EPHA5: variants seen among roughly 807,000 people sequenced by gnomAD.
EPHA5 encodes ephrin type-A receptor 5.
EPHA5 carries 60 observed loss-of-function variants against 105.0 expected under a neutral mutation model. The observed-to-expected ratio is 0.57, with a 90% CI of 0.46 to 0.71. EPHA5 has a LOEUF of 0.71. Among genes scored for constraint, EPHA5 ranks in the 30% least tolerant of loss-of-function variants. The probability of loss-of-function intolerance (pLI) is 0.00; values close to 1 mark genes in which losing one functional copy is unlikely to be tolerated. For synonymous variants in EPHA5, 513 were observed against 449.1 expected, an observed-to-expected ratio of 1.14 and a Z score of -1.80; for missense variants, 1,218 against 1,274.7, an observed-to-expected ratio of 0.96 and a Z score of 0.68.
At chr4:65,415,637 T>C (rs1181134969) in intron 6 of EPHA5, among the ~76,000 whole-genome samples, 6 of 152,014 alleles carry the variant, frequency 3.9e-5, no homozygotes, top group African/African-American at 1.2e-4. Context: ...AAATGATTGA[T>C]CTTTAATTTT....
Position 65,670,088 on chromosome 4 carries a change from AG to A in EPHA5, c.-347del, listed in dbSNP as rs1483193452. 2.3e-5 allele frequency: 7 copies of A among 303,002 alleles called. No individual in the cohort carries two copies. The highest frequency in any genetic ancestry group is 1.5e-4 in the African/African-American group (7 of 47,358). 18.8% of individuals were successfully genotyped at this position (303,002 alleles called of 1,614,324 possible). Reference sequence around the variant, plus strand: ...GGATTGAGAATTTTTAAATACCACTAGGGGAAAGGTGAAGGTTCTTTGCAGC... The same window carrying A: ...GGATTGAGAATTTTTAAATACCACTAGGGAAAGGTGAAGGTTCTTTGCAGC... On this transcript the variant is annotated 5_prime_UTR_variant, in exon 1 of 17. Coordinates refer to ENST00000613740, the MANE Select transcript of EPHA5 (RefSeq NM_001281766.3).
At chr4:65,631,771 C>G (rs114005084) in intron 2 of EPHA5, among the ~76,000 whole-genome samples, 2 of 151,370 alleles carry the variant, frequency 1.3e-5, no homozygotes, top group African/African-American at 4.8e-5. Context: ...ATTAATAAGA[C>G]TATATTATGG....
chr4:65,543,671 C>T (rs1578384599), intron 3 of EPHA5, among the ~76,000 whole-genome samples: 1 of 151,800 alleles, frequency 6.6e-6, no homozygotes, highest in South Asian at 2.1e-4. Flanking sequence ...AGATTCAATG[C>T]TATTCTCATT....
At chr4:65,424,118 T>C (rs140480690) in intron 5 of EPHA5, among the ~76,000 whole-genome samples, 150 of 152,100 alleles carry the variant, frequency 9.9e-4, no homozygotes, top group African/African-American at 3.4e-3. Context: ...CCAGTACATA[T>C]GTCTAGTATG....
chr4:65,465,122 T>A (rs1337172672), intron 5 of EPHA5, among the ~76,000 whole-genome samples: 1 of 151,730 alleles, frequency 6.6e-6, no homozygotes, highest in Non-Finnish European at 1.5e-5. Context: ...CCGAAAGGAG[T>A]CATATTAGCT....
chr4:65,656,589 A>G (rs1165031735), intron 1 of EPHA5, among the ~76,000 whole-genome samples: 3 of 146,906 alleles, frequency 2.0e-5, no homozygotes, highest in Admixed American at 6.8e-5. Context: ...TATATATATT[A>G]TATATATATA....
chr4:65,458,635 T>C (rs1157917430), intron 5 of EPHA5, among the ~76,000 whole-genome samples: 1 of 152,166 alleles, frequency 6.6e-6, no homozygotes. Flanking sequence ...TGTATCCATA[T>C]GTAATTCCCA....
intron 9 of EPHA5, among the ~76,000 whole-genome samples, chr4:65,366,923 C>T (rs796539174): frequency 2.6e-5 from 4 of 151,526 alleles, no homozygotes; most frequent in Admixed American, 6.6e-5. Flanking sequence ...ACCAAGATTG[C>T]TGCCACAGGA....
chr4:65,414,229 T>C (rs2149017986), intron 7 of EPHA5, 55 bp downstream of exon 7: 1 of 1,540,724 alleles, frequency 6.5e-7, no homozygotes. Context: ...ATCCACTGAC[T>C]CTTTTCTGGT....
At position 65,474,967 on chromosome 4, in the gene EPHA5, T is replaced by C. The variant is rs911506825; in HGVS notation, c.1402+15410A>G. 6.6e-5 allele frequency among the ~76,000 whole-genome samples: 10 copies of C among 152,196 alleles called. 1 individual carries two copies. The highest frequency in any genetic ancestry group is 2.4e-4 in the African/African-American group (10 of 41,444). ...ATGGTTTGTCATCTATTTTTAATAA[T>C]TGCATTTCCATACCATGACTAAGTG... On this transcript the variant is annotated intron_variant, in intron 5 of 16. Coordinates refer to ENST00000613740, the MANE Select transcript of EPHA5 (RefSeq NM_001281766.3).
chr4:65,348,502 C>CA (rs1431582680), intron 13 of EPHA5, among the ~76,000 whole-genome samples: 3 of 151,274 alleles, frequency 2.0e-5, no homozygotes, highest in Admixed American at 6.6e-5. Flanking sequence ...TCAAGCAAAC[C>CA]AATAAGGTAT....
intron 2 of EPHA5, among the ~76,000 whole-genome samples, chr4:65,640,562 A>G (rs535610273): frequency 1.6e-4 from 24 of 152,268 alleles, no homozygotes; most frequent in African/African-American, 5.8e-4. Context: ...CTGGGATTAC[A>G]GGCGTGAGCC....
intron 3 of EPHA5, among the ~76,000 whole-genome samples, chr4:65,514,736 C>G (rs1032707141): frequency 4.6e-5 from 7 of 152,136 alleles, no homozygotes; most frequent in African/African-American, 1.4e-4. Flanking sequence ...TGCTCGTCAT[C>G]AAATCTCATG....
chr4:65,514,728 C>A (rs763892924), intron 3 of EPHA5, among the ~76,000 whole-genome samples: 1 of 152,130 alleles, frequency 6.6e-6, no homozygotes, highest in Non-Finnish European at 1.5e-5. Context: ...CCCTAAAATG[C>A]TCGTCATCAA....
rs1470776822 is a variant in EPHA5, at chr4:65,323,769, G to C, written c.*345C>G. 4.3e-6 allele frequency: 1 copy of C among 233,536 alleles called. No individual in the cohort carries two copies. Among genetic ancestry groups the C allele is most frequent in the Admixed American group, 5.7e-5 (1 of 17,672 alleles). The allele number at this position is 233,536 out of a possible 1,614,324, so 14.5% of individuals were successfully genotyped here. On this transcript the variant is annotated 3_prime_UTR_variant, in exon 17 of 17. Transcript: ENST00000613740. ...AGTAGATCCCTGGAAGTTTTGAAAG[G>C]GGTTGCCTTAATTCAGTCTATAAAA...
chr4:65,425,820 A>G (rs925407583), intron 5 of EPHA5, among the ~76,000 whole-genome samples: 1 of 151,474 alleles, frequency 6.6e-6, no homozygotes, highest in Non-Finnish European at 1.5e-5. Flanking sequence ...TATATTTGGT[A>G]TTTTCCTGAC....
At chr4:65,621,071 T>C (rs1745666432) in intron 2 of EPHA5, among the ~76,000 whole-genome samples, 1 of 152,128 alleles carries the variant, frequency 6.6e-6, no homozygotes, top group African/African-American at 2.4e-5. Flanking sequence ...AAAAAATAAA[T>C]TGAGTAATTG....
intron 5 of EPHA5, among the ~76,000 whole-genome samples, chr4:65,452,922 AC>A (rs1727206064): frequency 6.6e-6 from 1 of 152,188 alleles, no homozygotes; most frequent in Non-Finnish European, 1.5e-5. Context: ...AATTGTGCTG[AC>A]TTGGTCAGCA....
Position 65,531,666 on chromosome 4 carries a change from C to G in EPHA5, c.911-36123G>C, listed in dbSNP as rs373924380. Among the ~76,000 whole-genome samples the G allele has an allele frequency of 8.8e-5, 13 of 147,612 alleles. No individual in the cohort carries two copies. In the East Asian group the frequency reaches 2.1e-3, roughly 23 times the overall value. On this transcript the variant is annotated intron_variant, in intron 3 of 16. Coordinates refer to ENST00000613740, the MANE Select transcript of EPHA5 (RefSeq NM_001281766.3). ...AATGACAATGATCCAGGAATCTGAT[C>G]ATAAAGAGGATATACTGAGATGTCT...
Sources: allele counts gnomAD v4.1 joint callset (sites outside exome capture counted in the v4.1 genomes callset), GRCh38; gene constraint gnomAD v4.1.1; transcripts MANE v1.5; gene names NCBI Gene and HGNC (gene_info 2026-07-23, HGNC 2026-07-21).